The following CAMKMT variants were observed in gnomAD, a reference collection of about 807,000 sequenced individuals.
CAMKMT encodes calmodulin-lysine N-methyltransferase, also known as CaM KMT.
CAMKMT carries 53 observed loss-of-function variants against 48.0 expected under a neutral mutation model. The observed-to-expected ratio is 1.10, with a 90% CI of 0.89 to 1.39. The LOEUF is 1.39. CAMKMT is among the 40% of genes most tolerant of loss of function. The probability of loss-of-function intolerance (pLI) is 0.00; values close to 1 mark genes in which losing one functional copy is unlikely to be tolerated. For missense variants in CAMKMT, 428 were observed against 402.7 expected, an observed-to-expected ratio of 1.06 and a Z score of -0.54; for synonymous variants, 165 against 152.3, an observed-to-expected ratio of 1.08 and a Z score of -0.61.
rs113702405 is a variant in CAMKMT, at chr2:44,368,973, C to A, written c.139-3743C>A. Among the ~76,000 whole-genome samples, 796 of 152,192 alleles carry A rather than the reference C, an allele frequency of 5.2e-3. 7 individuals carry two copies. Among genetic ancestry groups the A allele is most frequent in the African/African-American group, 0.017 (701 of 41,510 alleles). On this transcript the variant is annotated intron_variant, in intron 1 of 10. Transcript: ENST00000378494. The stretch of plus-strand genomic sequence containing the variant: ...ATTCTCATGCCTTCTGTGCCTTCTG[C>A]CTCCCAGGCTCAAGCAGTTCTCGTG...
chr2:44,636,825 GT>G (rs942960100), intron 3 of CAMKMT, among the ~76,000 whole-genome samples: 8 of 152,082 alleles, frequency 5.3e-5, no homozygotes, highest in Non-Finnish European at 1.5e-5. Context: ...GTTTTTGTCG[GT>G]TTCCCCCCAA....
chr2:44,593,198 C>A (rs1670417927), intron 3 of CAMKMT, among the ~76,000 whole-genome samples: 1 of 152,178 alleles, frequency 6.6e-6, no homozygotes, highest in Admixed American at 6.6e-5. Flanking sequence ...GTACTCAACT[C>A]AATGTTCAAT....
intron 3 of CAMKMT, among the ~76,000 whole-genome samples, chr2:44,596,041 T>A (rs1670635140): frequency 6.6e-6 from 1 of 151,616 alleles, no homozygotes; most frequent in Non-Finnish European, 1.5e-5. Context: ...ATGTAGATGA[T>A]GGGTTGATGG....
intron 3 of CAMKMT, among the ~76,000 whole-genome samples, chr2:44,600,246 A>G (rs1038538330): frequency 6.6e-6 from 1 of 151,780 alleles, no homozygotes; most frequent in Non-Finnish European, 1.5e-5. Context: ...TACCACCACT[A>G]TCATGAGACC....
At chr2:44,515,563 T>A (rs1385508335) in intron 3 of CAMKMT, among the ~76,000 whole-genome samples, 2 of 152,186 alleles carry the variant, frequency 1.3e-5, no homozygotes, top group Non-Finnish European at 2.9e-5. Flanking sequence ...GTTACATGAA[T>A]CAAAGATATG....
intron 9 of CAMKMT, among the ~76,000 whole-genome samples, chr2:44,762,435 C>T (rs114020843): frequency 0.024 from 3,618 of 152,310 alleles, 81 homozygotes; most frequent in African/African-American, 0.05. Flanking sequence ...GAGACTAGTG[C>T]TTCCTCTGTC....
chr2:44,434,141 G>GGTTTGCA (rs777048260), intron 3 of CAMKMT, among the ~76,000 whole-genome samples: 6 of 152,078 alleles, frequency 3.9e-5, no homozygotes, highest in African/African-American at 7.2e-5. Context: ...GGTAGTCTAG[G>GGTTTGCA]GTTTGCAGTG....
chr2:44,575,078 T>C (rs1028101116), intron 3 of CAMKMT, among the ~76,000 whole-genome samples: 3 of 150,752 alleles, frequency 2.0e-5, no homozygotes, highest in African/African-American at 7.3e-5. Flanking sequence ...TATTTATTTT[T>C]TATTTTATTT....
In CAMKMT at chr2:44,546,847, A is replaced by ATGC. The variant is rs560433498; in HGVS notation, c.376+156545_376+156547dup. ...TGTTTTTCTCACTTAATTTTCCCTA[A>ATGC]TGCTGATACAGTGTAGTGCACACTG... On this transcript the variant is annotated intron_variant, in intron 3 of 10. Transcript: ENST00000378494. 4.5e-4 allele frequency among the ~76,000 whole-genome samples: 69 copies of ATGC among 152,346 alleles called. No homozygotes were observed. In the South Asian group the frequency reaches 7.9e-3, roughly 17 times the overall value.
chr2:44,516,201 C>T (rs1393201182), intron 3 of CAMKMT, among the ~76,000 whole-genome samples: 1 of 152,172 alleles, frequency 6.6e-6, no homozygotes. Flanking sequence ...TTTCACAGTT[C>T]ACGTTAGACT....
chr2:44,477,703 C>T (rs1367615646), intron 3 of CAMKMT, among the ~76,000 whole-genome samples: 1 of 152,196 alleles, frequency 6.6e-6, no homozygotes, highest in Non-Finnish European at 1.5e-5. Flanking sequence ...AAGAGTCCAT[C>T]AGAGCTTTTG....
At chr2:44,452,310 A>G (rs1193002536) in intron 3 of CAMKMT, among the ~76,000 whole-genome samples, 2 of 151,998 alleles carry the variant, frequency 1.3e-5, no homozygotes, top group South Asian at 2.1e-4. Context: ...AATGCTTATT[A>G]AGCTTCTAAC....
At chr2:44,485,638 C>G (rs893750376) in intron 3 of CAMKMT, among the ~76,000 whole-genome samples, 1 of 152,156 alleles carries the variant, frequency 6.6e-6, no homozygotes, top group African/African-American at 2.4e-5. Context: ...TGTTACTGTA[C>G]TGGATACTGT....
At chr2:44,447,066 A>G (rs969000761) in intron 3 of CAMKMT, among the ~76,000 whole-genome samples, 1 of 152,234 alleles carries the variant, frequency 6.6e-6, no homozygotes, top group Non-Finnish European at 1.5e-5. Context: ...AGACAAGAGT[A>G]AATAATCAAT....
chr2:44,598,469 A>T (rs1670797197), intron 3 of CAMKMT, among the ~76,000 whole-genome samples: 1 of 151,418 alleles, frequency 6.6e-6, no homozygotes, highest in Non-Finnish European at 1.5e-5. Flanking sequence ...TACACTGTGC[A>T]TTTTTTTTAC....
chr2:44,672,644 G>T (rs553816708), intron 3 of CAMKMT, among the ~76,000 whole-genome samples: 1 of 152,252 alleles, frequency 6.6e-6, no homozygotes, highest in Admixed American at 6.5e-5. Context: ...AGTATAAAGA[G>T]CTTTGTGTCT....
intron 3 of CAMKMT, chr2:44,392,106 T>C (rs1681399995): frequency 6.6e-6 from 1 of 152,188 alleles, no homozygotes; most frequent in Admixed American, 6.6e-5. Flanking sequence ...CCTCTTTTGG[T>C]TTTTTCCTAA....
rs547594320 is a variant in CAMKMT at position 44,540,671 on chromosome 2, A to G, written c.376+150366A>G. Among the ~76,000 whole-genome samples the G allele has an allele frequency of 1.3e-4, 20 of 152,176 alleles. No homozygotes were observed. The East Asian group carries it at 3.9e-3, about 29-fold the overall frequency. ...GAGGCTGAGGTGGGAGGAACGCTGG[A>G]CCCTGGAAGGGCAAGGCTGCAGTGA... On this transcript the variant is annotated intron_variant, in intron 3 of 10. Transcript: ENST00000378494.
At chr2:44,424,843 A>G (rs1067371) in intron 3 of CAMKMT, among the ~76,000 whole-genome samples, 80,826 of 151,930 alleles carry the variant, frequency 0.53, 23,694 homozygotes, top group Non-Finnish European at 0.67. Flanking sequence ...GTGTGCCAAA[A>G]TCTCACAAAC....
Sources: allele counts gnomAD v4.1 joint callset (sites outside exome capture counted in the v4.1 genomes callset), GRCh38; gene constraint gnomAD v4.1.1; transcripts MANE v1.5; gene names NCBI Gene and HGNC (gene_info 2026-07-23, HGNC 2026-07-21).